The following MAGEC3 variants were observed in gnomAD, a reference collection of about 807,000 sequenced individuals.
The protein encoded by MAGEC3 is MAGE family member C3.
In MAGEC3, 34 loss-of-function variants were observed where a neutral mutation model predicts 35.3. That is an observed-to-expected ratio of 0.96 (90% CI 0.73 to 1.28). The LOEUF is 1.28. MAGEC3 is among the 50% of genes most tolerant of loss of function. The pLI is 0.00. For synonymous variants in MAGEC3, 202 were observed against 185.6 expected (o/e 1.09, Z -0.72); for missense variants, 561 against 483.6 (o/e 1.16, Z -1.50).
intron 2 of MAGEC3, among the ~76,000 whole-genome samples, chrX:141,867,867 A>G (rs1317253429): frequency 8.9e-6 from 1 of 112,380 alleles, no homozygotes; most frequent in African/African-American, 3.2e-5. Flanking sequence ...TCACGCCTGT[A>G]ATTCCAGCAC....
intron 2 of MAGEC3, among the ~76,000 whole-genome samples, chrX:141,873,393 A>G (rs1352034789): frequency 9.0e-5 from 10 of 110,715 alleles, no homozygotes; most frequent in Admixed American, 7.7e-4. Context: ...GAAGTTTGGC[A>G]GTTACCTAAG....
intron 1 of MAGEC3, among the ~76,000 whole-genome samples, chrX:141,859,990 G>A (rs771020579): frequency 8.9e-6 from 1 of 111,786 alleles, no homozygotes; most frequent in Admixed American, 9.5e-5. Flanking sequence ...GGGAGGACTG[G>A]GAATATGATC....
At chrX:141,888,768 C>T (rs935870931) in intron 4 of MAGEC3, among the ~76,000 whole-genome samples, 1 of 111,984 alleles carries the variant, frequency 8.9e-6, no homozygotes, top group African/African-American at 3.3e-5. Context: ...TAGCCATGAC[C>T]ACTACTGAGT....
In MAGEC3 at chrX:141,845,795, G is replaced by A. The variant is rs779417077; in HGVS notation, c.123+7357G>A. Reference sequence around the variant, plus strand: ...AAGCTCTGTAAAGTAGAATAGTTTCGTTGAAAAAGGATTTATGGGCAACTG... The same window carrying A: ...AAGCTCTGTAAAGTAGAATAGTTTCATTGAAAAAGGATTTATGGGCAACTG... On this transcript the variant is annotated intron_variant, in intron 1 of 7. Transcript: ENST00000298296. Among the ~76,000 whole-genome samples, 11 of 110,793 alleles carry A rather than the reference G, an allele frequency of 9.9e-5. No homozygotes were observed. In the East Asian group the frequency reaches 1.1e-3, roughly 11 times the overall value.
At chrX:141,851,013 T>A (rs930548927) in intron 1 of MAGEC3, among the ~76,000 whole-genome samples, 7 of 111,320 alleles carry the variant, frequency 6.3e-5, no homozygotes, top group African/African-American at 1.9e-4. Context: ...CAAGCTTTTT[T>A]AAGAAAAATT....
chrX:141,857,441 C>T (rs1001667708), intron 1 of MAGEC3, among the ~76,000 whole-genome samples: 1 of 111,345 alleles, frequency 9.0e-6, no homozygotes, highest in African/African-American at 3.3e-5. Context: ...GTTTCTGTAG[C>T]ACCCTGTCAT....
intron 2 of MAGEC3, among the ~76,000 whole-genome samples, chrX:141,869,046 T>C (rs1251575005): frequency 1.8e-5 from 2 of 108,548 alleles, no homozygotes; most frequent in Admixed American, 2.0e-4. Context: ...CCCACCTGGC[T>C]AATTTTTTTT....
chrX:141,880,859 C>T lies in MAGEC3; in HGVS notation c.516-544C>T, dbSNP rs764849943. ...TGTAAGCCGGCCTTTGTCAGAACCACCATGGGTGAGTTTCTCAGCTGAGGC... is the reference window on the plus strand; with the variant it reads ...TGTAAGCCGGCCTTTGTCAGAACCATCATGGGTGAGTTTCTCAGCTGAGGC... On this transcript the variant is annotated intron_variant, in intron 3 of 7. Coordinates refer to ENST00000298296, the MANE Select transcript of MAGEC3 (RefSeq NM_138702.1). 7.1e-6 allele frequency: 8 copies of T among 1,129,862 alleles called. 1 individual carries two copies. The highest frequency in any genetic ancestry group is 7.1e-5 in the East Asian group (2 of 28,127). 93.1% of individuals were successfully genotyped at this position (1,129,862 alleles called of 1,213,427 possible).
chrX:141,840,044 C>G, intron 1 of MAGEC3: 1 of 744,663 alleles, frequency 1.3e-6, no homozygotes, highest in Non-Finnish European at 1.6e-6. Context: ...ATTTTTTCTT[C>G]TGGTCAGAAT....
chrX:141,892,467 G>C (rs2018049556), intron 4 of MAGEC3, among the ~76,000 whole-genome samples: 1 of 111,384 alleles, frequency 9.0e-6, no homozygotes, highest in Non-Finnish European at 1.9e-5. Context: ...TTTTAATGAG[G>C]AAACTGAGTC....
chrX:141,895,688 G>A (rs1401253001), intron 6 of MAGEC3, 129 bp downstream of exon 6: 2 of 363,358 alleles, frequency 5.5e-6, no homozygotes, highest in Non-Finnish European at 3.9e-6. Context: ...TCCTCAGTCA[G>A]CTCAGGCTGA....
At position 141,892,297 on chromosome X, in the gene MAGEC3, C is replaced by T. The variant is rs189473627; in HGVS notation, c.910-2972C>T. Among the ~76,000 whole-genome samples the T allele has an allele frequency of 5.9e-3, 661 of 111,746 alleles. 4 individuals carry two copies. The highest frequency in any genetic ancestry group is 0.02 in the African/African-American group (616 of 30,756). On this transcript the variant is annotated intron_variant, in intron 4 of 7. Coordinates refer to ENST00000298296, the MANE Select transcript of MAGEC3 (RefSeq NM_138702.1). ...ATCTATCTTACTTTTGCAACTACTT[C>T]CTAGAATTCCAGTTTATTTCTGTGC...
At position 141,859,034 on chromosome X, in the gene MAGEC3, A is replaced by G. The variant is rs1017059051; in HGVS notation, c.124-6437A>G. 2.8e-5 allele frequency among the ~76,000 whole-genome samples: 3 copies of G among 108,149 alleles called. No homozygotes were observed. In the East Asian group the frequency reaches 8.7e-4, roughly 31 times the overall value. The allele number at this position is 108,149 out of a possible 115,157, so 93.9% of individuals were successfully genotyped here. ...TCCATAGTATGGTATATTACAAGTCATATGACTAACCCCAAATGAATGACC... is the reference window on the plus strand; with the variant it reads ...TCCATAGTATGGTATATTACAAGTCGTATGACTAACCCCAAATGAATGACC... On this transcript the variant is annotated intron_variant, in intron 1 of 7. Transcript: ENST00000298296.
At chrX:141,847,509 A>T (rs1422011082) in intron 1 of MAGEC3, among the ~76,000 whole-genome samples, 1 of 111,591 alleles carries the variant, frequency 9.0e-6, no homozygotes, top group African/African-American at 3.2e-5. Flanking sequence ...TGTAATATTG[A>T]TAAGTATGTT....
At chrX:141,893,329 T>C (rs1249587370) in intron 4 of MAGEC3, among the ~76,000 whole-genome samples, 2 of 111,695 alleles carry the variant, frequency 1.8e-5, no homozygotes, top group Non-Finnish European at 3.8e-5. Context: ...ATTCCAATCA[T>C]ACAATATTTA....
intron 1 of MAGEC3, among the ~76,000 whole-genome samples, chrX:141,841,355 C>T (rs1217815424): frequency 1.8e-5 from 2 of 111,760 alleles, no homozygotes; most frequent in African/African-American, 6.5e-5. Flanking sequence ...AAACATATTG[C>T]CGTATTTTAC....
At chrX:141,838,714 CG>C in intron 1 of MAGEC3, 2 of 753,211 alleles carry the variant, frequency 2.7e-6, no homozygotes, top group South Asian at 1.4e-4. Context: ...TGTAGTTCAT[CG>C]GGGGTGAGGC....
chrX:141,851,514 AAATT>A (rs1371931617), intron 1 of MAGEC3, among the ~76,000 whole-genome samples: 1 of 110,570 alleles, frequency 9.0e-6, no homozygotes, highest in Non-Finnish European at 1.9e-5. Flanking sequence ...GTATATCATA[AAATT>A]AATTATTAAA....
chrX:141,838,560 T>C (rs1050906549), intron 1 of MAGEC3, 122 bp downstream of exon 1: 134 of 1,066,056 alleles, frequency 1.3e-4, no homozygotes, highest in Middle Eastern at 3.7e-4. Context: ...GGTGAGGCTC[T>C]AAGATGCTAT....
Sources: gnomAD v4.1 joint callset for allele counts (sites outside exome capture counted in the v4.1 genomes callset) on GRCh38, gnomAD v4.1.1 for gene constraint, MANE v1.5 for transcripts, NCBI Gene and HGNC (gene_info 2026-07-23, HGNC 2026-07-21) for gene names.